Variants in CD302 observed in about 807,000 individuals in gnomAD.
CD302 encodes the protein CD302 molecule.
A neutral mutation model predicts 26.5 loss-of-function variants in CD302; 23 were observed. The observed-to-expected ratio is 0.87, with a 90% CI of 0.62 to 1.23. CD302 has a LOEUF of 1.23. Ranked by LOEUF, CD302 falls within the 50% of genes most tolerant of loss-of-function variation. The pLI, the probability that CD302 is intolerant of heterozygous loss-of-function variation, is 0.00. For synonymous variants in CD302, 90 were observed against 99.4 expected (o/e 0.91, Z 0.56); for missense variants, 290 against 275.5 (o/e 1.05, Z -0.37).
rs1016378486 is a variant in CD302, at chr2:159,780,932, T to G, written c.245A>C (p.Gln82Pro). 6.2e-7 allele frequency: 1 copy of G among 1,613,832 alleles called. No individual in the cohort carries two copies. The highest frequency in any genetic ancestry group is 1.7e-5 in the Admixed American group (1 of 59,986). The change falls in exon 3 of 6, where the codon CAA becomes CCA. Residue 82 changes from glutamine to proline, a missense_variant. By Grantham distance (76) the Gln-to-Pro change is moderately conservative. Coordinates refer to ENST00000259053, the MANE Select transcript of CD302 (RefSeq NM_014880.5). ...TAGGATATCATCTGGGCCTTTCCAT[T>G]GCTTTTTCAAAGTATCCAGTATAAA... ...NAFILDTLKK[Q>P]WKGPDDILLG...
At position 159,771,729 on chromosome 2, in the gene CD302, T is replaced by G; in HGVS notation, c.*122A>C. On this transcript the variant is annotated 3_prime_UTR_variant, in exon 6 of 6. Coordinates refer to ENST00000259053, the MANE Select transcript of CD302 (RefSeq NM_014880.5). ...ACAGCAGATGAGTACATAAAAATGTTACTGGAATAAGGAATACCATTAAAG... is the reference window on the plus strand; with the variant it reads ...ACAGCAGATGAGTACATAAAAATGTGACTGGAATAAGGAATACCATTAAAG... 8.8e-7 allele frequency: 1 copy of G among 1,139,834 alleles called. No individual in the cohort carries two copies. The allele number at this position is 1,139,834 out of a possible 1,614,324, so 70.6% of individuals were successfully genotyped here. A position where few individuals can be genotyped will look rare whatever the true frequency, so the allele number is the denominator to read the frequency against.
intron 1 of CD302, among the ~76,000 whole-genome samples, chr2:159,785,862 T>TAA (rs1358096407): frequency 1.3e-5 from 2 of 152,058 alleles, no homozygotes; most frequent in Non-Finnish European, 2.9e-5. Flanking sequence ...AATGGCAGTG[T>TAA]AAAGTACCAG....
chr2:159,792,511 CAGAG>C (rs951558498), intron 1 of CD302, among the ~76,000 whole-genome samples: 3 of 150,500 alleles, frequency 2.0e-5, no homozygotes, highest in Admixed American at 6.6e-5. Flanking sequence ...TTCAGGCAAA[CAGAG>C]GGAGGAGCAA....
chr2:159,776,190 G>A (rs1708318446), intron 5 of CD302, among the ~76,000 whole-genome samples: 2 of 151,598 alleles, frequency 1.3e-5, no homozygotes, highest in South Asian at 4.2e-4. Context: ...ATGTCCTTCA[G>A]GTTTATGCAT....
intron 1 of CD302, among the ~76,000 whole-genome samples, chr2:159,785,989 T>C (rs1387856646): frequency 6.6e-6 from 1 of 152,192 alleles, no homozygotes; most frequent in Non-Finnish European, 1.5e-5. Context: ...ATCTACCTCA[T>C]TGGATTGTTG....
At chr2:159,786,694 C>T (rs1708675559) in intron 1 of CD302, among the ~76,000 whole-genome samples, 1 of 152,178 alleles carries the variant, frequency 6.6e-6, no homozygotes, top group South Asian at 2.1e-4. Flanking sequence ...AATACCTTTC[C>T]TGATACACTT....
rs201261450 is a variant in CD302 at position 159,787,255 on chromosome 2, GT to G, written c.68-3787del. ...TTATAATTCTTGCAAGCAGCAAGTA[GT>G]TTTTTTTTAAATCCAGCTTGATCAC... On this transcript the variant is annotated intron_variant, in intron 1 of 5. Transcript: ENST00000259053. 7.5e-4 allele frequency among the ~76,000 whole-genome samples: 113 copies of G among 151,574 alleles called. 1 individual carries two copies. Among genetic ancestry groups the G allele is most frequent in the African/African-American group, 2.3e-3 (97 of 41,314 alleles).
intron 4 of CD302, 105 bp from the exon 5 acceptor site, chr2:159,778,069 C>T: frequency 2.5e-6 from 1 of 405,596 alleles, no homozygotes; most frequent in Non-Finnish European, 4.0e-6. Context: ...TTATTAGTAG[C>T]TTAATATCAA....
Position 159,780,979 on chromosome 2 carries a change from T to C in CD302, c.198A>G (p.Ile66Met). The change falls in exon 3 of 6, where the codon ATA becomes ATG. Residue 66 changes from isoleucine (I) to methionine (M), a missense_variant. Transcript: ENST00000259053. ...TAAAAGCATTTTCTTCTTCATTATG[T>C]ATGCTTATCATGTCCGCTCCTGAAA... ...CTDHGADMIS[I>M]HNEEENAFIL... 6.2e-7 allele frequency: 1 copy of C among 1,612,102 alleles called. No individual in the cohort carries two copies. The highest frequency in any genetic ancestry group is 8.5e-7 in the Non-Finnish European group (1 of 1,179,670).
chr2:159,771,919 A>G lies in CD302; in HGVS notation c.631T>C (p.Ser211Pro). ...FTTVFSTAPQ[S>P]PYNEDCVLVV... ...AAAACACAGTCTTCATTATAAGGTG[A>G]TTGGGGTGCGGTTGAAAAAACTGTG... Residue 211 changes from serine (S) to proline (P), a missense_variant, in exon 6 of 6, where the codon TCA becomes CCA. Ser to Pro is a moderately conservative substitution (Grantham distance 74, BLOSUM62 -1). Coordinates refer to ENST00000259053, the MANE Select transcript of CD302 (RefSeq NM_014880.5). 1 of 1,614,014 alleles carries G rather than the reference A, an allele frequency of 6.2e-7. No homozygotes were observed. Among genetic ancestry groups the G allele is most frequent in the South Asian group, 1.1e-5 (1 of 91,080 alleles).
chr2:159,777,859 C>T (rs1708384592), intron 5 of CD302, 79 bp downstream of exon 5: 1 of 686,060 alleles, frequency 1.5e-6, no homozygotes, highest in Non-Finnish European at 2.3e-6. Flanking sequence ...AAAAAGGGAT[C>T]TGTAATGTAT....
intron 1 of CD302, among the ~76,000 whole-genome samples, chr2:159,795,626 ATC>A (rs1470051504): frequency 6.6e-6 from 1 of 152,208 alleles, no homozygotes; most frequent in Non-Finnish European, 1.5e-5. Context: ...ATGAACAGAG[ATC>A]TGAATGGTGG....
chr2:159,777,786 TTATTAC>T (rs1489040114), intron 5 of CD302, 146 bp downstream of exon 5: 9 of 375,310 alleles, frequency 2.4e-5, no homozygotes, highest in Non-Finnish European at 4.0e-5. Flanking sequence ...ATGTTGAGTC[TTATTAC>T]TAAGAGACCT....
chr2:159,776,627 T>C (rs926188801), intron 5 of CD302, among the ~76,000 whole-genome samples: 1 of 152,110 alleles, frequency 6.6e-6, no homozygotes, highest in Non-Finnish European at 1.5e-5. Context: ...CAACACTTCT[T>C]TTCTCCTCCT....
intron 5 of CD302, among the ~76,000 whole-genome samples, chr2:159,776,389 G>A (rs191680502): frequency 6.2e-4 from 94 of 152,276 alleles, no homozygotes; most frequent in Non-Finnish European, 1.0e-3. Flanking sequence ...ATATTAAAGA[G>A]TCCTTGCTTT....
At chr2:159,794,307 A>AAATAAAATAAAATAAT (rs1553795860) in intron 1 of CD302, among the ~76,000 whole-genome samples, 1 of 56,668 alleles carries the variant, frequency 1.8e-5, no homozygotes, top group African/African-American at 5.4e-5. Context: ...TAAAATAATA[A>AAATAAAATAAAATAAT]AAAAAAAAAC....
At chr2:159,776,832 A>G (rs938115740) in intron 5 of CD302, among the ~76,000 whole-genome samples, 3 of 151,712 alleles carry the variant, frequency 2.0e-5, no homozygotes, top group African/African-American at 4.8e-5. Context: ...CAACCTCCCA[A>G]GTAGCCGGGA....
intron 4 of CD302, 84 bp downstream of exon 4, chr2:159,779,921 C>T: frequency 6.7e-7 from 1 of 1,484,056 alleles, no homozygotes; most frequent in Admixed American, 2.2e-5. Flanking sequence ...TTTATTGAGG[C>T]ACACTTATCT....
intron 1 of CD302, among the ~76,000 whole-genome samples, chr2:159,788,588 C>T (rs892369523): frequency 1.3e-5 from 2 of 152,200 alleles, no homozygotes; most frequent in Admixed American, 6.5e-5. Context: ...GCTTGGGCTT[C>T]CATCATTTCT....
Sources: gnomAD v4.1 joint callset for allele counts (sites outside exome capture counted in the v4.1 genomes callset) on GRCh38, gnomAD v4.1.1 for gene constraint, MANE v1.5 for transcripts, NCBI Gene and HGNC (gene_info 2026-07-23, HGNC 2026-07-21) for gene names.